Variants in CTTN observed in about 807,000 individuals in gnomAD.
CTTN encodes the protein src substrate cortactin.
Under a neutral mutation model 84.0 loss-of-function variants are expected in CTTN, and 28 were observed. That is an observed-to-expected ratio of 0.33 (90% CI 0.25 to 0.46). CTTN has a LOEUF of 0.46. Among genes scored for constraint, CTTN ranks in the 20% least tolerant of loss-of-function variants. The pLI, the probability that CTTN is intolerant of heterozygous loss-of-function variation, is 1.00. For synonymous variants in CTTN, 301 were observed against 288.8 expected (o/e 1.04, Z -0.43); for missense variants, 641 against 723.8 (o/e 0.89, Z 1.31).
At chr11:70,405,674 G>A (rs1032827383) in intron 2 of CTTN, among the ~76,000 whole-genome samples, 41 of 152,264 alleles carry the variant, frequency 2.7e-4, no homozygotes, top group Admixed American at 2.3e-3. Context: ...TGTGAAGCTC[G>A]CAAGTGCCCA....
rs556890646 is a variant in CTTN, at chr11:70,415,799, CG to C, written c.457+83del. ...ACAGCCACCTGAAGCCGTTTCCCCG[CG>C]CTCCGGGGGCCCTGATGGGGAGAGT... On this transcript the variant is annotated intron_variant, in intron 7 of 17. Transcript: ENST00000301843. 2.2e-6 allele frequency: 3 copies of C among 1,385,076 alleles called. No individual in the cohort carries two copies. The South Asian group carries it at 3.5e-5, about 16-fold the overall frequency. The allele number at this position is 1,385,076 out of a possible 1,614,324, so 85.8% of individuals were successfully genotyped here.
chr11:70,434,000 C>T (rs977277180), intron 17 of CTTN, among the ~76,000 whole-genome samples: 2 of 152,186 alleles, frequency 1.3e-5, no homozygotes, highest in East Asian at 1.9e-4. Context: ...AAGACTCCAG[C>T]GTGTTTCCCA....
intron 5 of CTTN, among the ~76,000 whole-genome samples, chr11:70,412,833 A>G (rs897625879): frequency 2.0e-5 from 3 of 152,198 alleles, no homozygotes; most frequent in African/African-American, 4.8e-5. Context: ...AATCGAAGGC[A>G]ATTTTGGAGA....
At chr11:70,428,067 C>G (rs2058317673) in intron 13 of CTTN, among the ~76,000 whole-genome samples, 1 of 150,960 alleles carries the variant, frequency 6.6e-6, no homozygotes, top group African/African-American at 2.4e-5. Flanking sequence ...ACTTGCAGCT[C>G]TCATGGTTCT....
chr11:70,415,244 C>T (rs1457397586), intron 6 of CTTN, among the ~76,000 whole-genome samples: 2 of 152,178 alleles, frequency 1.3e-5, no homozygotes, highest in Non-Finnish European at 2.9e-5. Context: ...ACCTATCTCA[C>T]GGGTGTTTGC....
chr11:70,423,093 G>T, intron 12 of CTTN, 98 bp downstream of exon 12: 1 of 1,412,730 alleles, frequency 7.1e-7, no homozygotes, highest in Non-Finnish European at 9.9e-7. Flanking sequence ...GCTGGGGTGG[G>T]GCACAAGTGA....
rs1565494248 is a variant in CTTN at position 70,419,804 on chromosome 11, C to T, written c.627C>T (p.Ser209=). 6.2e-6 allele frequency: 10 copies of T among 1,613,180 alleles called. No individual in the cohort carries two copies. The highest frequency in any genetic ancestry group is 4.0e-5 in the African/African-American group (3 of 74,982). The change falls in exon 9 of 18, where the codon AGC becomes AGT. Residue 209 remains serine (S), a synonymous_variant. Transcript: ENST00000301843. ...YGIDKDKVDK[S]AVGFEYQGKT... ...TCGACAAGGACAAAGTGGATAAGAG[C>T]GCCGTTGGCTTTGAGTATCAAGGCA...
chr11:70,432,549 C>T (rs1043858167), intron 15 of CTTN, among the ~76,000 whole-genome samples: 28 of 152,334 alleles, frequency 1.8e-4, no homozygotes, highest in African/African-American at 6.5e-4. Flanking sequence ...GGCTCCGAAG[C>T]GGCAGTGGTT....
intron 14 of CTTN, 138 bp downstream of exon 14, chr11:70,429,337 G>A (rs967177867): frequency 2.1e-6 from 2 of 945,660 alleles, no homozygotes. Context: ...CTCCTTTAAG[G>A]CTCTCCATTA....
chr11:70,415,517 A>G, intron 6 of CTTN, 146 bp from the exon 7 acceptor site: 1 of 774,258 alleles, frequency 1.3e-6, no homozygotes, highest in Non-Finnish European at 2.3e-6. Flanking sequence ...CGTCACTGCC[A>G]CCTGCACCTG....
chr11:70,423,798 A>G (rs2058270142), intron 12 of CTTN, among the ~76,000 whole-genome samples: 2 of 152,208 alleles, frequency 1.3e-5, no homozygotes, highest in Admixed American at 6.5e-5. Context: ...CATGCGTCAC[A>G]CACCACAGAG....
chr11:70,422,302 C>T (rs939129465), intron 11 of CTTN: 4 of 359,096 alleles, frequency 1.1e-5, no homozygotes, highest in Middle Eastern at 5.9e-4. Flanking sequence ...AGGCTTTCCA[C>T]CTGCAGCGTT....
chr11:70,420,628 G>A (rs1180452362), intron 10 of CTTN, 118 bp downstream of exon 10: 12 of 752,326 alleles, frequency 1.6e-5, no homozygotes, highest in Non-Finnish European at 2.8e-5. Context: ...TGTCTTCACT[G>A]TTTGAAGTTG....
At chr11:70,413,076 A>T (rs2058113325) in intron 5 of CTTN, among the ~76,000 whole-genome samples, 1 of 152,202 alleles carries the variant, frequency 6.6e-6, no homozygotes, top group Non-Finnish European at 1.5e-5. Flanking sequence ...GTGGAAAGAG[A>T]GTCAGCTGCC....
At chr11:70,402,618 C>T (rs899313019) in intron 1 of CTTN, among the ~76,000 whole-genome samples, 6 of 152,140 alleles carry the variant, frequency 3.9e-5, no homozygotes, top group Non-Finnish European at 5.9e-5. Flanking sequence ...TTTTCCTTTG[C>T]GCAATGGATT....
At chr11:70,410,647 T>C (rs2058087945) in intron 5 of CTTN, among the ~76,000 whole-genome samples, 1 of 152,208 alleles carries the variant, frequency 6.6e-6, no homozygotes, top group South Asian at 2.1e-4. Flanking sequence ...GGCTACCTTT[T>C]CCTTCCTGGA....
intron 13 of CTTN, among the ~76,000 whole-genome samples, chr11:70,427,475 C>A (rs1450254155): frequency 6.6e-6 from 1 of 152,250 alleles, no homozygotes; most frequent in Non-Finnish European, 1.5e-5. Flanking sequence ...GCTGCACTCT[C>A]ACATCTGCCT....
intron 5 of CTTN, among the ~76,000 whole-genome samples, chr11:70,411,755 A>T (rs951664637): frequency 6.6e-6 from 1 of 152,074 alleles, no homozygotes; most frequent in Admixed American, 6.5e-5. Flanking sequence ...GAGTGCCAGG[A>T]GCTCCCTGGA....
At chr11:70,407,416 C>T (rs1457249477) in intron 3 of CTTN, 32 bp downstream of exon 3, 2 of 1,611,788 alleles carry the variant, frequency 1.2e-6, no homozygotes, top group Non-Finnish European at 1.7e-6. Context: ...TTTCCTCTTT[C>T]ATGAAGTGGA....
Sources: gnomAD v4.1 joint callset for allele counts (sites outside exome capture counted in the v4.1 genomes callset) on GRCh38, gnomAD v4.1.1 for gene constraint, MANE v1.5 for transcripts, NCBI Gene and HGNC (gene_info 2026-07-23, HGNC 2026-07-21) for gene names.